The following ULK4 variants were observed in gnomAD, a reference collection of about 807,000 sequenced individuals.
The protein encoded by ULK4 is inactive serine/threonine-protein kinase ULK4.
A neutral mutation model predicts 160.6 loss-of-function variants in ULK4; 133 were observed. The ratio of observed to expected loss-of-function variants is 0.83; its 90% CI spans 0.72 to 0.96. The LOEUF is 0.96. ULK4 is among the 40% of genes least tolerant of loss of function. The pLI is 0.00. For synonymous variants in ULK4, 534 were observed against 539.8 expected, an observed-to-expected ratio of 0.99 and a Z score of 0.15; for missense variants, 1,580 against 1,499.5, an observed-to-expected ratio of 1.05 and a Z score of -0.89.
At chr3:41,499,136 GA>G (rs1464322942) in intron 32 of ULK4, among the ~76,000 whole-genome samples, 8 of 152,230 alleles carry the variant, frequency 5.3e-5, no homozygotes, top group African/African-American at 1.9e-4. Flanking sequence ...CTATACAGAA[GA>G]AACATGAACC....
At chr3:41,677,493 A>G (rs2035763122) in intron 29 of ULK4, among the ~76,000 whole-genome samples, 1 of 151,818 alleles carries the variant, frequency 6.6e-6, no homozygotes, top group African/African-American at 2.4e-5. Context: ...CATCACACCC[A>G]GCTAATTTTT....
At chr3:41,652,379 T>C (rs1416619294) in intron 30 of ULK4, among the ~76,000 whole-genome samples, 1 of 152,170 alleles carries the variant, frequency 6.6e-6, no homozygotes, top group Non-Finnish European at 1.5e-5. Context: ...AGAAAAACAA[T>C]ACTGGAGTGG....
chr3:41,254,131 C>T (rs189308090), intron 35 of ULK4, among the ~76,000 whole-genome samples: 92 of 152,302 alleles, frequency 6.0e-4, no homozygotes, highest in African/African-American at 2.1e-3. Context: ...TGAGGAACCC[C>T]ATCAACCACA....
intron 19 of ULK4, among the ~76,000 whole-genome samples, chr3:41,809,114 C>T (rs975739484): frequency 6.1e-5 from 9 of 147,802 alleles, no homozygotes; most frequent in South Asian, 4.2e-4. Context: ...TGCAGTGAGC[C>T]GTGATCACCC....
intron 34 of ULK4, among the ~76,000 whole-genome samples, chr3:41,402,598 T>C (rs1318333499): frequency 1.3e-5 from 2 of 152,220 alleles, no homozygotes; most frequent in Non-Finnish European, 2.9e-5. Context: ...TTACTTTTTC[T>C]GTGTCAATCC....
chr3:41,635,457 T>C (rs1300589659), intron 30 of ULK4, among the ~76,000 whole-genome samples: 1 of 151,992 alleles, frequency 6.6e-6, no homozygotes, highest in African/African-American at 2.4e-5. Context: ...GAAGCATAAA[T>C]ATATTAATGT....
intron 31 of ULK4, among the ~76,000 whole-genome samples, chr3:41,606,972 T>A (rs563510983): frequency 1.1e-4 from 17 of 152,206 alleles, no homozygotes; most frequent in African/African-American, 4.1e-4. Context: ...TTGATACATA[T>A]AGTCCCATTT....
At chr3:41,321,017 T>C (rs2080235172) in intron 35 of ULK4, among the ~76,000 whole-genome samples, 1 of 152,198 alleles carries the variant, frequency 6.6e-6, no homozygotes, top group Admixed American at 6.5e-5. Flanking sequence ...TGCCTTTTTT[T>C]TTTGTTAAGC....
intron 19 of ULK4, among the ~76,000 whole-genome samples, chr3:41,812,350 G>C (rs2040843187): frequency 6.6e-6 from 1 of 152,082 alleles, no homozygotes; most frequent in Non-Finnish European, 1.5e-5. Flanking sequence ...AGATCTTTTT[G>C]TCCTCGTTAC....
At chr3:41,736,218 G>A (rs1256774355) in intron 22 of ULK4, among the ~76,000 whole-genome samples, 7 of 151,614 alleles carry the variant, frequency 4.6e-5, no homozygotes, top group Admixed American at 4.6e-4. Flanking sequence ...GTAATGGGAT[G>A]GCTGGGTCAA....
At chr3:41,305,641 C>A (rs1342911078) in intron 35 of ULK4, among the ~76,000 whole-genome samples, 3 of 152,026 alleles carry the variant, frequency 2.0e-5, no homozygotes, top group African/African-American at 7.3e-5. Flanking sequence ...CCGGCTGCCA[C>A]CCCGTCTGGG....
intron 27 of ULK4, among the ~76,000 whole-genome samples, chr3:41,700,816 C>G (rs563038158): frequency 7.2e-5 from 11 of 152,218 alleles, no homozygotes; most frequent in Non-Finnish European, 1.5e-4. Flanking sequence ...ATTTAACAAA[C>G]ATGAATAAAT....
chr3:41,682,505 G>C (rs2035955791), intron 27 of ULK4, among the ~76,000 whole-genome samples: 1 of 152,158 alleles, frequency 6.6e-6, no homozygotes, highest in African/African-American at 2.4e-5. Flanking sequence ...TCTCTATACT[G>C]ATAAAAGAGC....
intron 25 of ULK4, among the ~76,000 whole-genome samples, chr3:41,708,060 G>T (rs371502275): frequency 6.6e-6 from 1 of 151,550 alleles, no homozygotes; most frequent in Admixed American, 6.6e-5. Flanking sequence ...GCACACTGTC[G>T]GTGGGAATGT....
chr3:41,429,624 C>T (rs1323053527), intron 34 of ULK4, among the ~76,000 whole-genome samples: 5 of 151,904 alleles, frequency 3.3e-5, no homozygotes, highest in Non-Finnish European at 7.4e-5. Context: ...TTATCCTCGG[C>T]AAACTAATGC....
intron 35 of ULK4, among the ~76,000 whole-genome samples, chr3:41,353,699 TTA>T: frequency 6.9e-6 from 1 of 143,958 alleles, no homozygotes; most frequent in Non-Finnish European, 1.5e-5. Context: ...ATAATTACAA[TTA>T]CTACTACTAC....
At position 41,866,384 on chromosome 3, in the gene ULK4, T is replaced by C. The variant is rs544428510; in HGVS notation, c.1656+17490A>G. ...GGAGATCAGTTTTGTGGAAGACAATTTTTCCATGGACCAGGGTTAGGGGGA... is the reference window on the plus strand; with the variant it reads ...GGAGATCAGTTTTGTGGAAGACAATCTTTCCATGGACCAGGGTTAGGGGGA... On this transcript the variant is annotated intron_variant, in intron 17 of 36. Coordinates refer to ENST00000301831, the MANE Select transcript of ULK4 (RefSeq NM_017886.4). Among the ~76,000 whole-genome samples, 27 of 152,282 alleles carry C rather than the reference T, an allele frequency of 1.8e-4. 1 individual carries two copies. The highest frequency in any genetic ancestry group is 3.3e-4 in the Admixed American group (5 of 15,300).
intron 17 of ULK4, among the ~76,000 whole-genome samples, chr3:41,850,921 C>T (rs2125673321): frequency 6.6e-6 from 1 of 152,262 alleles, no homozygotes; most frequent in East Asian, 1.9e-4. Context: ...AGGTTTTCTT[C>T]TAGGGTTTTT....
At chr3:41,443,989 A>C (rs1394063677) in intron 34 of ULK4, among the ~76,000 whole-genome samples, 1 of 152,112 alleles carries the variant, frequency 6.6e-6, no homozygotes, top group Non-Finnish European at 1.5e-5. Context: ...TCAGTACTAA[A>C]AATAATGCTG....
Sources: allele counts gnomAD v4.1 joint callset (sites outside exome capture counted in the v4.1 genomes callset), GRCh38; gene constraint gnomAD v4.1.1; transcripts MANE v1.5; gene names NCBI Gene and HGNC (gene_info 2026-07-23, HGNC 2026-07-21).